CWH43: variants seen among roughly 807,000 people sequenced by gnomAD.
The protein encoded by CWH43 is PGAP2-interacting protein.
CWH43 carries 91 observed loss-of-function variants against 85.7 expected under a neutral mutation model. The observed-to-expected ratio is 1.06, with a 90% confidence interval of 0.90 to 1.26. CWH43 has a LOEUF of 1.26. CWH43 is among the 50% of genes most tolerant of loss of function. The pLI, the probability that CWH43 is intolerant of heterozygous loss-of-function variation, is 0.00. For missense variants in CWH43, 869 were observed against 839.2 expected, an observed-to-expected ratio of 1.04 and a Z score of -0.44; for synonymous variants, 323 against 293.6, an observed-to-expected ratio of 1.10 and a Z score of -1.02.
rs541532807 is a variant in CWH43, at chr4:49,031,489, C to A, written c.1508+529C>A. Among the ~76,000 whole-genome samples the A allele has an allele frequency of 2.1e-5, 3 of 142,362 alleles. No homozygotes were observed. In the South Asian group the frequency reaches 6.9e-4, roughly 33 times the overall value. The allele number at this position is 142,362 out of a possible 152,430, so 93.4% of individuals were successfully genotyped here. ...GTCAGGGTGAAGACTGAGGCAGGAT[C>A]CATCTTGGTGTGCCTGGAGCATGGG... On this transcript the variant is annotated intron_variant, in intron 11 of 15. Transcript: ENST00000226432.
At chr4:49,043,487 G>A (rs779840401) in intron 13 of CWH43, among the ~76,000 whole-genome samples, 1 of 152,152 alleles carries the variant, frequency 6.6e-6, no homozygotes, top group East Asian at 1.9e-4. Context: ...TTCCACTGTC[G>A]TGATCAAAAG....
rs150493911 is a variant in CWH43, at chr4:49,052,069, G to T, written c.2021+1220G>T. ...GCTAATAAACATTTCTCATTTTTTT[G>T]GGGGAAAAAAGAAATTTCTCCATTC... On this transcript the variant is annotated intron_variant, in intron 15 of 15. Coordinates refer to ENST00000226432, the MANE Select transcript of CWH43 (RefSeq NM_025087.3). Among the ~76,000 whole-genome samples the T allele has an allele frequency of 3.0e-3, 449 of 151,708 alleles. 3 individuals are homozygous for T. The highest frequency in any genetic ancestry group is 0.01 in the African/African-American group (425 of 41,386).
At chr4:48,990,620 C>A (rs910546960) in intron 2 of CWH43, among the ~76,000 whole-genome samples, 22 of 151,976 alleles carry the variant, frequency 1.4e-4, no homozygotes, top group Admixed American at 1.4e-3. Flanking sequence ...AGGCTATAAT[C>A]AAAAAAGACA....
intron 15 of CWH43, among the ~76,000 whole-genome samples, chr4:49,059,861 G>A (rs1403911058): frequency 3.3e-5 from 5 of 152,102 alleles, no homozygotes; most frequent in South Asian, 4.1e-4. Context: ...GTGGGGTTAG[G>A]CCTTCAGCCT....
At chr4:49,024,024 C>G (rs1783828247) in intron 9 of CWH43, among the ~76,000 whole-genome samples, 2 of 151,932 alleles carry the variant, frequency 1.3e-5, no homozygotes, top group South Asian at 4.2e-4. Context: ...TTTGGGGGTT[C>G]CAGTGTTAGG....
At chr4:48,999,444 A>G (rs1782922188) in intron 6 of CWH43, among the ~76,000 whole-genome samples, 1 of 152,190 alleles carries the variant, frequency 6.6e-6, no homozygotes, top group Non-Finnish European at 1.5e-5. Context: ...ATACCCAGTA[A>G]TGGGATTGCT....
At chr4:49,002,523 T>C (rs1411275507) in intron 6 of CWH43, among the ~76,000 whole-genome samples, 1 of 152,214 alleles carries the variant, frequency 6.6e-6, no homozygotes, top group Non-Finnish European at 1.5e-5. Flanking sequence ...CACAGAAATA[T>C]TGGCTGTGGT....
intron 1 of CWH43, chr4:48,986,747 G>A (rs1782507669): frequency 8.5e-6 from 11 of 1,296,260 alleles, no homozygotes; most frequent in Non-Finnish European, 8.8e-6. Context: ...CCCAAGGAGC[G>A]CGAATTCTCC....
intron 13 of CWH43, among the ~76,000 whole-genome samples, chr4:49,040,712 T>C (rs1255736286): frequency 1.3e-5 from 2 of 152,256 alleles, no homozygotes; most frequent in African/African-American, 4.8e-5. Context: ...ACTCTGATGG[T>C]AGTTTCCTTT....
chr4:49,014,946 T>C (rs1783493024), intron 8 of CWH43, among the ~76,000 whole-genome samples: 1 of 152,196 alleles, frequency 6.6e-6, no homozygotes, highest in African/African-American at 2.4e-5. Flanking sequence ...TTAGGAGTTT[T>C]GACAAATGTA....
chr4:49,020,416 C>CACACACACACACACACATATATAT (rs140534523), intron 9 of CWH43, among the ~76,000 whole-genome samples: 3 of 128,340 alleles, frequency 2.3e-5, no homozygotes, highest in Non-Finnish European at 5.0e-5. Flanking sequence ...CACACACACA[C>CACACACACACACACACATATATAT]ATATATATAT....
At chr4:49,029,211 C>T (rs1233100584) in intron 10 of CWH43, among the ~76,000 whole-genome samples, 3 of 152,190 alleles carry the variant, frequency 2.0e-5, no homozygotes, top group African/African-American at 4.8e-5. Context: ...CCTTGAGATG[C>T]TGTTAATCTG....
chr4:49,052,532 G>A (rs1430465447), intron 15 of CWH43, among the ~76,000 whole-genome samples: 1 of 152,158 alleles, frequency 6.6e-6, no homozygotes, highest in Non-Finnish European at 1.5e-5. Flanking sequence ...TTTGCTGATT[G>A]AGATGGTTTC....
chr4:49,018,633 T>C (rs1164356359), intron 9 of CWH43, among the ~76,000 whole-genome samples: 1 of 152,232 alleles, frequency 6.6e-6, no homozygotes, highest in Non-Finnish European at 1.5e-5. Context: ...GAATAAGTAA[T>C]TGAATGTTGT....
chr4:49,020,950 T>G (rs941620314), intron 9 of CWH43, among the ~76,000 whole-genome samples: 8 of 152,194 alleles, frequency 5.3e-5, no homozygotes, highest in African/African-American at 1.4e-4. Flanking sequence ...AGCTTCTGGA[T>G]ATTAGTCCTT....
At chr4:49,003,712 A>T in intron 6 of CWH43, 23 bp from the exon 7 acceptor site, 1 of 1,612,640 alleles carries the variant, frequency 6.2e-7, no homozygotes, top group South Asian at 1.1e-5. Context: ...TTCCTGTCTG[A>T]TTCTTTTCTC....
intron 13 of CWH43, 61 bp downstream of exon 13, chr4:49,038,241 T>C: frequency 3.5e-6 from 5 of 1,431,512 alleles, no homozygotes; most frequent in South Asian, 1.5e-5. Flanking sequence ...TTCTTTCATG[T>C]TTTTAAAAAA....
intron 7 of CWH43, among the ~76,000 whole-genome samples, chr4:49,005,551 T>G (rs1300493518): frequency 6.9e-6 from 1 of 144,988 alleles, no homozygotes; most frequent in Non-Finnish European, 1.5e-5. Context: ...TAGGGTTCTG[T>G]TTTTTTTTTT....
chr4:48,997,239 T>G (rs1782843646), intron 5 of CWH43, among the ~76,000 whole-genome samples: 1 of 151,722 alleles, frequency 6.6e-6, no homozygotes, highest in Non-Finnish European at 1.5e-5. Flanking sequence ...TTTTTTTTTT[T>G]GTAGAGGCAA....
Sources: allele counts gnomAD v4.1 joint callset (sites outside exome capture counted in the v4.1 genomes callset), GRCh38; gene constraint gnomAD v4.1.1; transcripts MANE v1.5; gene names NCBI Gene and HGNC (gene_info 2026-07-23, HGNC 2026-07-21).